The following PDE1C variants were observed in gnomAD, a reference collection of about 807,000 sequenced individuals.
The protein encoded by PDE1C is dual specificity calcium/calmodulin-dependent 3',5'-cyclic nucleotide phosphodiesterase 1C.
PDE1C carries 62 observed loss-of-function variants against 93.1 expected under a neutral mutation model. That is an observed-to-expected ratio of 0.67 (90% confidence interval 0.54 to 0.82). The LOEUF is 0.82. PDE1C is among the 40% of genes least tolerant of loss of function. PDE1C has a pLI of 0.00. For missense variants in PDE1C, 742 were observed against 884.6 expected (o/e 0.84, Z 2.04); for synonymous variants, 325 against 310.1 (o/e 1.05, Z -0.50).
At chr7:32,384,923 G>A (rs1233455429) in intron 1 of PDE1C, among the ~76,000 whole-genome samples, 2 of 152,126 alleles carry the variant, frequency 1.3e-5, no homozygotes, top group African/African-American at 2.4e-5. Flanking sequence ...TTTGAGTACT[G>A]AGATTTTAAA....
At chr7:32,410,744 C>G (rs1251426736) in intron 1 of PDE1C, among the ~76,000 whole-genome samples, 1 of 152,148 alleles carries the variant, frequency 6.6e-6, no homozygotes. Flanking sequence ...TGGCTGTGCT[C>G]CCTCCATAGC....
At chr7:32,047,481 T>C (rs1792760277) in intron 2 of PDE1C, among the ~76,000 whole-genome samples, 1 of 152,150 alleles carries the variant, frequency 6.6e-6, no homozygotes, top group Admixed American at 6.6e-5. Context: ...TTGATTCCCT[T>C]GCTAACCCGA....
chr7:31,856,910 T>C (rs1794092113), intron 7 of PDE1C, among the ~76,000 whole-genome samples: 1 of 152,132 alleles, frequency 6.6e-6, no homozygotes, highest in African/African-American at 2.4e-5. Flanking sequence ...CAGGACTGTT[T>C]TCTCCTGAGA....
chr7:31,739,560 G>A, the PDE1C span, among the ~76,000 whole-genome samples: 218 of 152,290 alleles, frequency 1.4e-3, no homozygotes, highest in African/African-American at 4.8e-3. Context: ...TTAATCCAAA[G>A]AAAGTGGTTA....
chr7:31,849,413 A>T (rs1793049818), intron 8 of PDE1C, among the ~76,000 whole-genome samples: 1 of 152,194 alleles, frequency 6.6e-6, no homozygotes, highest in Admixed American at 6.5e-5. Flanking sequence ...CCCTTGGAAC[A>T]CAACCACAAA....
intron 3 of PDE1C, among the ~76,000 whole-genome samples, chr7:32,135,807 A>G (rs1248600445): frequency 1.3e-5 from 2 of 152,200 alleles, no homozygotes; most frequent in African/African-American, 4.8e-5. Context: ...TCTTGAAGAG[A>G]TATCTATACG....
intron 2 of PDE1C, among the ~76,000 whole-genome samples, chr7:32,003,479 T>G: frequency 6.6e-6 from 1 of 152,252 alleles, no homozygotes; most frequent in East Asian, 1.9e-4. Context: ...TATAGTACAA[T>G]GCTTATTGTC....
intron 9 of PDE1C, among the ~76,000 whole-genome samples, chr7:31,838,771 C>A (rs1791439917): frequency 6.6e-6 from 1 of 152,022 alleles, no homozygotes; most frequent in African/African-American, 2.4e-5. Context: ...ATAGAATAAA[C>A]TGCTTACAAT....
At chr7:32,151,618 A>C (rs1307297720) in intron 3 of PDE1C, among the ~76,000 whole-genome samples, 1 of 152,266 alleles carries the variant, frequency 6.6e-6, no homozygotes, top group Non-Finnish European at 1.5e-5. Context: ...AGTTATACTA[A>C]GTAAAAGACA....
chr7:32,262,031 T>A lies in PDE1C; in HGVS notation c.85+36620A>T, dbSNP rs1036308095. Among the ~76,000 whole-genome samples the A allele has an allele frequency of 8.2e-3, 987 of 119,848 alleles. 7 individuals carry two copies. Among genetic ancestry groups the A allele is most frequent in the Middle Eastern group, 0.022 (5 of 228 alleles). 78.6% of individuals were successfully genotyped at this position (119,848 alleles called of 152,430 possible). A position where few individuals can be genotyped will look rare whatever the true frequency, so the allele number is the denominator to read the frequency against. ...TTTTTTTTTTTTTTTTTTTTTTTTT[T>A]AATGTGACATCTAGTGGCTGGTGAA... On this transcript the variant is annotated intron_variant, in intron 1 of 18. Coordinates refer to the PDE1C transcript ENST00000396193.
the PDE1C span, among the ~76,000 whole-genome samples, chr7:31,672,913 C>A: frequency 3.9e-5 from 6 of 152,182 alleles, no homozygotes; most frequent in Non-Finnish European, 8.8e-5. Context: ...TCTTGTGATA[C>A]TGAGTGAGTT....
intron 3 of PDE1C, among the ~76,000 whole-genome samples, chr7:32,090,070 T>C (rs190934794): frequency 9.4e-4 from 143 of 152,320 alleles, no homozygotes; most frequent in African/African-American, 3.3e-3. Flanking sequence ...AGAAAATGTT[T>C]TCCTGATACA....
At chr7:31,981,998 G>A (rs1812446195) in intron 2 of PDE1C, among the ~76,000 whole-genome samples, 1 of 152,196 alleles carries the variant, frequency 6.6e-6, no homozygotes, top group African/African-American at 2.4e-5. Flanking sequence ...AAAAGAGGCT[G>A]TTATGCTACC....
intron 1 of PDE1C, among the ~76,000 whole-genome samples, chr7:32,424,464 G>C (rs1785491032): frequency 6.6e-6 from 1 of 152,152 alleles, no homozygotes. Context: ...GCTGGAACAA[G>C]ATAAAACTTT....
chr7:32,327,636 G>A (rs567644335), intron 1 of PDE1C, among the ~76,000 whole-genome samples: 18 of 152,022 alleles, frequency 1.2e-4, no homozygotes, highest in Admixed American at 5.2e-4. Context: ...GCATGGTGGC[G>A]GCGCATGCCT....
chr7:32,015,479 C>T (rs780638687), intron 2 of PDE1C, among the ~76,000 whole-genome samples: 14 of 152,048 alleles, frequency 9.2e-5, no homozygotes, highest in Admixed American at 2.6e-4. Context: ...AAACATGCAG[C>T]GGAAATAAAA....
At chr7:32,075,994 C>T (rs1796328520), upstream of PDE1C, among the ~76,000 whole-genome samples, 1 of 152,112 alleles carries the variant, frequency 6.6e-6, no homozygotes, top group Non-Finnish European at 1.5e-5. Flanking sequence ...TGCTCACATA[C>T]CCTAATGTTC....
rs1233488832 is a variant in PDE1C, at chr7:32,000,841, AC to A, written c.128+50712del. 5.3e-5 allele frequency among the ~76,000 whole-genome samples: 8 copies of A among 152,286 alleles called. 1 individual carries two copies. In the Middle Eastern group the frequency reaches 0.01, roughly 194 times the overall value. On this transcript the variant is annotated intron_variant, in intron 2 of 17. Transcript: ENST00000396191. ...ACACCATTTCATATGGAATATATTTACTTTTTTGAATATATTTTTGCTTTTA... is the reference window on the plus strand; with the variant it reads ...ACACCATTTCATATGGAATATATTTATTTTTTGAATATATTTTTGCTTTTA...
At chr7:32,276,334 C>T (rs1811284713) in intron 1 of PDE1C, among the ~76,000 whole-genome samples, 1 of 152,056 alleles carries the variant, frequency 6.6e-6, no homozygotes, top group South Asian at 2.1e-4. Flanking sequence ...TTTCTTCCTA[C>T]CTAGATATTA....
Sources: gnomAD v4.1 joint callset for allele counts (sites outside exome capture counted in the v4.1 genomes callset) on GRCh38, gnomAD v4.1.1 for gene constraint, MANE v1.5 for transcripts, NCBI Gene and HGNC (gene_info 2026-07-23, HGNC 2026-07-21) for gene names.